Variants in RAD51B observed in about 807,000 individuals in gnomAD.
The protein encoded by RAD51B is RAD51 paralog B, also known as DNA repair protein RAD51 homolog 2.
In RAD51B, 38 loss-of-function variants were observed where a neutral mutation model predicts 42.2. The observed-to-expected ratio is 0.90, with a 90% confidence interval of 0.70 to 1.18. The LOEUF is 1.18. Ranked by LOEUF, RAD51B falls within the 50% of genes most tolerant of loss-of-function variation. RAD51B has a pLI of 0.00. For synonymous variants in RAD51B, 154 were observed against 145.2 expected (o/e 1.06, Z -0.43); for missense variants, 373 against 400.7 (o/e 0.93, Z 0.59).
At chr14:68,189,076 A>G (rs1555370790) in intron 7 of RAD51B, among the ~76,000 whole-genome samples, 2 of 151,666 alleles carry the variant, frequency 1.3e-5, no homozygotes, top group Non-Finnish European at 2.9e-5. Context: ...CTTTCTTTTA[A>G]TTTTTTATTG....
chr14:68,583,346 G>A (rs1346759986), intron 10 of RAD51B, among the ~76,000 whole-genome samples: 2 of 152,144 alleles, frequency 1.3e-5, no homozygotes, highest in Admixed American at 1.3e-4. Flanking sequence ...AGGAGAAGCT[G>A]TAAAATAAGT....
rs2140357436 is a variant in RAD51B at position 68,535,663 on chromosome 14, G to A, written c.1037-58822G>A. ...GCTAGGATTCTGCTGGCTGTTTTAT[G>A]AACAGCTCATACTATGAAGTGGAAA... On this transcript the variant is annotated intron_variant, in intron 10 of 10. Transcript: ENST00000487270. Among the ~76,000 whole-genome samples, 2 of 152,260 alleles carry A rather than the reference G, an allele frequency of 1.3e-5. 1 individual carries two copies. Among genetic ancestry groups the A allele is most frequent in the Admixed American group, 1.3e-4 (2 of 15,298 alleles).
chr14:67,865,317 A>G lies in RAD51B; in HGVS notation c.452+178A>G, dbSNP rs555638514. ...AGTGGCACGATCTGGGCTCATGGCAATCTCCACCTCTTGGGTTCAAGCGAT... is the reference window on the plus strand; with the variant it reads ...AGTGGCACGATCTGGGCTCATGGCAGTCTCCACCTCTTGGGTTCAAGCGAT... On this transcript the variant is annotated intron_variant, in intron 5 of 10. Transcript: ENST00000471583. 3.3e-5 allele frequency among the ~76,000 whole-genome samples: 5 copies of G among 150,338 alleles called. No homozygotes were observed. In the South Asian group the frequency reaches 8.4e-4, roughly 25 times the overall value.
chr14:68,638,414 C>T (rs1892384219), intron 10 of RAD51B, among the ~76,000 whole-genome samples: 1 of 152,174 alleles, frequency 6.6e-6, no homozygotes. Flanking sequence ...CTCCAAGACC[C>T]TCTTTTTAAG....
intron 10 of RAD51B, among the ~76,000 whole-genome samples, chr14:68,628,980 CCCGAA>C (rs1394864289): frequency 6.6e-6 from 1 of 152,200 alleles, no homozygotes; most frequent in Middle Eastern, 3.2e-3. Flanking sequence ...CGCAAACCAA[CCCGAA>C]CGGGTTGGAA....
chr14:67,919,843 A>G lies in RAD51B; in HGVS notation c.756+32639A>G, dbSNP rs1021480340. On this transcript the variant is annotated intron_variant, in intron 7 of 10. Transcript: ENST00000471583. ...TCACCCATAGTTGGAATGGAGGCTC[A>G]GAAACCTAGTATTTAGCTCCTTTGA... Among the ~76,000 whole-genome samples, 89 of 152,258 alleles carry G rather than the reference A, an allele frequency of 5.8e-4. 5 individuals carry two copies. Among genetic ancestry groups the G allele is most frequent in the Non-Finnish European group, 2.9e-5 (2 of 68,044 alleles).
At chr14:68,127,152 C>G (rs969543090) in intron 7 of RAD51B, among the ~76,000 whole-genome samples, 2 of 152,130 alleles carry the variant, frequency 1.3e-5, no homozygotes, top group African/African-American at 4.8e-5. Context: ...ATCTCTCTCC[C>G]TATTTATCAT....
downstream of RAD51B, among the ~76,000 whole-genome samples, chr14:68,596,840 C>T (rs1891016974): frequency 6.6e-6 from 1 of 152,240 alleles, no homozygotes; most frequent in African/African-American, 2.4e-5. Context: ...CTAATCCCGT[C>T]AGGGGCAGAC....
At position 67,887,205 on chromosome 14, in the gene RAD51B, G is replaced by GT. The variant is rs1196263126; in HGVS notation, c.756+2dup. 1 of 1,601,854 alleles carries GT rather than the reference G, an allele frequency of 6.2e-7. No individual in the cohort carries two copies. Among genetic ancestry groups the GT allele is most frequent in the African/African-American group, 1.3e-5 (1 of 74,224 alleles). On this transcript the variant is annotated splice_donor_variant, in intron 7 of 10. Coordinates refer to ENST00000471583, the MANE Select transcript of RAD51B (RefSeq NM_133510.4). LOFTEE classifies it high-confidence loss of function. ...TTTGGCTGAGGAGTTTTCAATCCCA[G>GT]TAAGTTTTTCTTTTTTTCTCTTTTT...
At chr14:68,027,272 A>G (rs905531250) in intron 7 of RAD51B, among the ~76,000 whole-genome samples, 2 of 151,660 alleles carry the variant, frequency 1.3e-5, no homozygotes, top group South Asian at 2.1e-4. Flanking sequence ...TGCCTTTACA[A>G]TTTTTGTCTT....
intron 10 of RAD51B, chr14:68,562,167 T>C: frequency 1.0e-6 from 1 of 985,392 alleles, no homozygotes; most frequent in Non-Finnish European, 1.2e-6. Flanking sequence ...GAGGCAACGC[T>C]TACAACGCAT....
At chr14:68,658,065 T>C (rs951603789) in intron 11 of RAD51B, among the ~76,000 whole-genome samples, 1 of 152,250 alleles carries the variant, frequency 6.6e-6, no homozygotes, top group Non-Finnish European at 1.5e-5. Context: ...CTTCCTAAGA[T>C]CTGGCCCTGC....
chr14:68,274,193 C>T (rs1023789840), intron 7 of RAD51B, among the ~76,000 whole-genome samples: 2 of 151,950 alleles, frequency 1.3e-5, no homozygotes, highest in Non-Finnish European at 2.9e-5. Flanking sequence ...GTACTTACAC[C>T]ATTCTCTCCT....
At chr14:68,143,626 T>G (rs1162614509) in intron 7 of RAD51B, among the ~76,000 whole-genome samples, 2 of 152,168 alleles carry the variant, frequency 1.3e-5, no homozygotes. Context: ...ACAGGAAAAT[T>G]GTCTCTCTCC....
chr14:68,496,273 A>T (rs1256460964), intron 10 of RAD51B, among the ~76,000 whole-genome samples: 1 of 152,226 alleles, frequency 6.6e-6, no homozygotes, highest in Non-Finnish European at 1.5e-5. Flanking sequence ...AAAATGGGTC[A>T]AATGTAAGAC....
At chr14:68,155,089 A>G (rs1249124741) in intron 7 of RAD51B, among the ~76,000 whole-genome samples, 1 of 152,068 alleles carries the variant, frequency 6.6e-6, no homozygotes, top group Admixed American at 6.6e-5. Context: ...TTTTGGGGGG[A>G]AAGACATGTA....
At chr14:67,864,674 A>G in intron 4 of RAD51B, 1 of 389,686 alleles carries the variant, frequency 2.6e-6, no homozygotes, top group Non-Finnish European at 5.1e-6. Flanking sequence ...TAGAATGCCA[A>G]GTTATGATGG....
chr14:68,034,516 G>A (rs1410056239), intron 7 of RAD51B, among the ~76,000 whole-genome samples: 2 of 152,102 alleles, frequency 1.3e-5, no homozygotes, highest in African/African-American at 4.8e-5. Flanking sequence ...TGATCCTCAT[G>A]CCTTGGCCTC....
chr14:68,502,281 T>A, intron 10 of RAD51B, among the ~76,000 whole-genome samples: 1 of 152,174 alleles, frequency 6.6e-6, no homozygotes, highest in East Asian at 1.9e-4. Context: ...TGAACAGAAC[T>A]TTCCACCTGA....
Sources: allele counts gnomAD v4.1 joint callset (sites outside exome capture counted in the v4.1 genomes callset), GRCh38; gene constraint gnomAD v4.1.1; transcripts MANE v1.5; gene names NCBI Gene and HGNC (gene_info 2026-07-23, HGNC 2026-07-21).